IDUA: variants seen among roughly 807,000 people sequenced by gnomAD.
IDUA encodes alpha-L-iduronidase, also known as iduronidase alpha-L-.
In IDUA, 65 loss-of-function variants were observed where a neutral mutation model predicts 68.9. That is an observed-to-expected ratio of 0.94 (90% CI 0.77 to 1.16). The LOEUF (loss-of-function observed/expected upper bound fraction) is 1.16. Ranked by LOEUF, IDUA falls within the 50% of genes most tolerant of loss-of-function variation. The pLI is 0.00. For synonymous variants in IDUA, 529 were observed against 433.6 expected (o/e 1.22, Z -2.73); for missense variants, 1,046 against 938.0 (o/e 1.12, Z -1.50).
At chr4:989,744 G>A (rs765658929) in intron 2 of IDUA, 2 of 1,556,918 alleles carry the variant, frequency 1.3e-6, no homozygotes, top group Non-Finnish European at 1.7e-6. Flanking sequence ...CTCTTGGCCA[G>A]GGCGGCGCTG....
intron 4 of IDUA, 111 bp downstream of exon 4, chr4:1,001,100 C>T (rs185907822): frequency 8.9e-6 from 7 of 786,938 alleles, no homozygotes; most frequent in African/African-American, 1.7e-5. Context: ...GGTGGGCAGG[C>T]GCAGGCCCTT....
intron 2 of IDUA, chr4:992,299 G>A (rs908692283): frequency 3.2e-5 from 14 of 432,156 alleles, no homozygotes; most frequent in Non-Finnish European, 6.2e-5. Flanking sequence ...CCAAACCATC[G>A]CCTGCTCTCC....
intron 2 of IDUA, chr4:989,817 G>C: frequency 1.3e-6 from 2 of 1,579,994 alleles, no homozygotes; most frequent in Non-Finnish European, 1.7e-6. Context: ...GCAGCTCCTG[G>C]TTGGCACGCA....
intron 7 of IDUA, 52 bp downstream of exon 7, chr4:1,002,213 G>C (rs1363182930): frequency 7.0e-6 from 11 of 1,573,408 alleles, no homozygotes; most frequent in Non-Finnish European, 8.6e-6. Flanking sequence ...CTCCCGAGAC[G>C]GGACAGGCGA....
intron 2 of IDUA, chr4:991,378 T>C: frequency 1.9e-6 from 3 of 1,612,450 alleles, no homozygotes; most frequent in South Asian, 1.1e-5. Flanking sequence ...GTAGATGAGG[T>C]TGGCGAAGAA....
Position 1,003,422 on chromosome 4 carries a change from G to T in IDUA, c.1602G>T (p.Ser534=), listed in dbSNP as rs759128051. The change falls in exon 11 of 14, where the codon TCG becomes TCT. Residue 534 remains serine, a synonymous_variant. Coordinates refer to ENST00000514224, the MANE Select transcript of IDUA (RefSeq NM_000203.5). ...TGCGCCCCGCGCTGCGGCTGCCGTC[G>T]CTTTTGCTGGTGCACGTGTGTGCGC... ...LTLRPALRLP[S]LLLVHVCARP... 1 of 1,529,688 alleles carries T rather than the reference G, an allele frequency of 6.5e-7. No individual in the cohort carries two copies. Among genetic ancestry groups the T allele is most frequent in the Non-Finnish European group, 8.7e-7 (1 of 1,144,948 alleles). The allele number at this position is 1,529,688 out of a possible 1,614,324, so 94.8% of individuals were successfully genotyped here.
rs1326279029 is a variant in IDUA at position 987,670 on chromosome 4, G to C, written c.159-139G>C. 1.0e-5 allele frequency: 15 copies of C among 1,488,204 alleles called. No individual in the cohort carries two copies. In the Admixed American group the frequency reaches 1.7e-4, roughly 16 times the overall value. The allele number at this position is 1,488,204 out of a possible 1,614,324, so 92.2% of individuals were successfully genotyped here. ...GACCTCCCCACATTCCTGGCCCTAA[G>C]GGTCATTTTATTAGTCACTGAACGC... On this transcript the variant is annotated intron_variant, in intron 1 of 13. Coordinates refer to ENST00000514224, the MANE Select transcript of IDUA (RefSeq NM_000203.5).
chr4:989,530 T>C, intron 2 of IDUA: 1 of 1,557,038 alleles, frequency 6.4e-7, no homozygotes, highest in Non-Finnish European at 8.7e-7. Flanking sequence ...GACCAGCGCG[T>C]CAGCCGGGCT....
intron 2 of IDUA, chr4:992,376 G>A (rs752516251): frequency 5.5e-6 from 2 of 363,084 alleles, no homozygotes; most frequent in Non-Finnish European, 1.1e-5. Context: ...GAAGTCTCAG[G>A]AAGAGGCCTC....
Position 987,176 on chromosome 4 carries a change from T to A in IDUA, c.92T>A (p.Leu31Gln). Residue 31 changes from leucine to glutamine, a missense_variant, in exon 1 of 14, where the codon CTG becomes CAG. Leu to Gln is a moderately radical substitution (Grantham distance 113). Transcript: ENST00000514224. Reference sequence around the variant, plus strand: ...GTGGCCCCGGCCGAGGCCCCGCACCTGGTGCATGTGGACGCGGCCCGCGCG... The same window carrying A: ...GTGGCCCCGGCCGAGGCCCCGCACCAGGTGCATGTGGACGCGGCCCGCGCG... ...PPVAPAEAPH[L>Q]VHVDAARALW... 5 of 1,457,460 alleles carry A rather than the reference T, an allele frequency of 3.4e-6. No homozygotes were observed. The highest frequency in any genetic ancestry group is 4.5e-6 in the Non-Finnish European group (5 of 1,110,492). 90.3% of individuals were successfully genotyped at this position (1,457,460 alleles called of 1,614,324 possible).
chr4:989,974 T>C, intron 2 of IDUA: 2 of 1,556,964 alleles, frequency 1.3e-6, no homozygotes, highest in Non-Finnish European at 1.7e-6. Context: ...CGTGGGGATG[T>C]CGCCAGCCAC....
chr4:991,444 G>A lies in IDUA; in HGVS notation c.299+3495G>A, dbSNP rs1272027896. The A allele has an allele frequency of 3.1e-6, 5 of 1,612,784 alleles. No individual in the cohort carries two copies. Among genetic ancestry groups the A allele is most frequent in the Non-Finnish European group, 3.4e-6 (4 of 1,179,944 alleles). On this transcript the variant is annotated intron_variant, in intron 2 of 13. Transcript: ENST00000514224. ...CCCGGCCAGCAATGAGTAGGCGATGGCCTGCGGCACCAGGATGATGCCGAT... is the reference window on the plus strand; with the variant it reads ...CCCGGCCAGCAATGAGTAGGCGATGACCTGCGGCACCAGGATGATGCCGAT...
At chr4:1,001,600 G>C in intron 5 of IDUA, 37 bp downstream of exon 5, 1 of 1,609,058 alleles carries the variant, frequency 6.2e-7, no homozygotes, top group Non-Finnish European at 8.5e-7. Flanking sequence ...CCGGCTGAAA[G>C]GGGGCAGAGG....
intron 2 of IDUA, among the ~76,000 whole-genome samples, chr4:993,141 C>T (rs1355165684): frequency 1.3e-5 from 2 of 152,216 alleles, no homozygotes; most frequent in Non-Finnish European, 2.9e-5. Flanking sequence ...GAAGCCCACC[C>T]CAAGCCCCTG....
chr4:989,706 C>G, intron 2 of IDUA: 1 of 1,559,580 alleles, frequency 6.4e-7, no homozygotes, highest in Non-Finnish European at 8.7e-7. Context: ...ACAGCTGTGT[C>G]CGGCAGCCAG....
chr4:1,001,929 C>G (rs1313447236), intron 6 of IDUA, 48 bp downstream of exon 6: 2 of 1,569,662 alleles, frequency 1.3e-6, no homozygotes, highest in African/African-American at 2.7e-5. Context: ...CCCTCAGCCG[C>G]TGTGCCCCGG....
intron 2 of IDUA, among the ~76,000 whole-genome samples, chr4:995,683 C>T (rs543005504): frequency 2.9e-4 from 44 of 152,346 alleles, no homozygotes; most frequent in African/African-American, 9.1e-4. Context: ...TTCCCCAAGA[C>T]GAGGACACTG....
chr4:1,003,789 G>T, intron 12 of IDUA, 164 bp downstream of exon 12: 2 of 823,962 alleles, frequency 2.4e-6, no homozygotes, highest in East Asian at 2.7e-5. Context: ...TGGGCCACGC[G>T]CCAGGCCCTG....
intron 2 of IDUA, chr4:989,089 G>A (rs1193761031): frequency 6.3e-7 from 1 of 1,599,258 alleles, no homozygotes; most frequent in Non-Finnish European, 8.5e-7. Context: ...CAGCAGCGGG[G>A]CGCAGTCGAT....
Sources: gnomAD v4.1 joint callset for allele counts (sites outside exome capture counted in the v4.1 genomes callset) on GRCh38, gnomAD v4.1.1 for gene constraint, MANE v1.5 for transcripts, NCBI Gene and HGNC (gene_info 2026-07-23, HGNC 2026-07-21) for gene names.